The following AGBL1 variants were observed in gnomAD, a reference collection of about 807,000 sequenced individuals.
AGBL1 encodes the protein AGBL carboxypeptidase 1, also known as cytosolic carboxypeptidase 4.
AGBL1 carries 130 observed loss-of-function variants against 118.9 expected under a neutral mutation model. The observed-to-expected ratio is 1.09, with a 90% CI of 0.95 to 1.26. The LOEUF (loss-of-function observed/expected upper bound fraction) is 1.26, where lower values mean the gene tolerates loss of function less well. Ranked by LOEUF, AGBL1 falls within the 50% of genes most tolerant of loss-of-function variation. The pLI, the probability that AGBL1 is intolerant of heterozygous loss-of-function variation, is 0.00. For synonymous variants in AGBL1, 555 were observed against 478.9 expected (o/e 1.16, Z -2.08); for missense variants, 1,584 against 1,298.1 (o/e 1.22, Z -3.38).
intron 1 of AGBL1, among the ~76,000 whole-genome samples, chr15:86,129,995 T>C (rs941478600): frequency 1.3e-5 from 2 of 152,156 alleles, no homozygotes; most frequent in Admixed American, 1.3e-4. Context: ...TCTTGGGAAA[T>C]ATGCCAACTG....
At chr15:86,430,042 C>T (rs973099592) in intron 18 of AGBL1, among the ~76,000 whole-genome samples, 19 of 152,226 alleles carry the variant, frequency 1.2e-4, no homozygotes, top group African/African-American at 2.6e-4. Context: ...CTTTGAATTT[C>T]GAAGACATTG....
At chr15:86,383,667 C>T (rs951451461) in intron 17 of AGBL1, among the ~76,000 whole-genome samples, 4 of 152,282 alleles carry the variant, frequency 2.6e-5, no homozygotes, top group African/African-American at 7.2e-5. Context: ...TTTTCCCTGC[C>T]GTTCTTCGCT....
intron 17 of AGBL1, among the ~76,000 whole-genome samples, chr15:86,349,899 A>G (rs1334832741): frequency 6.6e-6 from 1 of 152,238 alleles, no homozygotes; most frequent in Non-Finnish European, 1.5e-5. Flanking sequence ...TCTGAACTTC[A>G]GTTTTCCTTT....
At chr15:86,278,526 T>A (rs1365236356) in intron 15 of AGBL1, among the ~76,000 whole-genome samples, 1 of 152,198 alleles carries the variant, frequency 6.6e-6, no homozygotes, top group African/African-American at 2.4e-5. Flanking sequence ...TTTGCTTAGG[T>A]AGGGAGTGGC....
rs200105846 is a variant in AGBL1 at position 86,911,070 on chromosome 15, G to C, written c.*3776G>C. The C allele has an allele frequency of 7.9e-5, 12 of 152,406 alleles. No individual in the cohort carries two copies. The highest frequency in any genetic ancestry group is 2.4e-4 in the African/African-American group (10 of 41,574). 9.4% of individuals were successfully genotyped at this position (152,406 alleles called of 1,614,324 possible). On this transcript the variant is annotated 3_prime_UTR_variant, in exon 23 of 23. Transcript: ENST00000614907. Reference sequence around the variant, plus strand: ...TCTACCAAATTCAAAGCCAAACTAAGATGACCCAAGAATTCCAAGGAGTTG... The same window carrying C: ...TCTACCAAATTCAAAGCCAAACTAACATGACCCAAGAATTCCAAGGAGTTG...
intron 5 of AGBL1, among the ~76,000 whole-genome samples, chr15:86,177,188 A>T (rs1241771046): frequency 1.3e-5 from 2 of 152,268 alleles, no homozygotes; most frequent in African/African-American, 4.8e-5. Context: ...AGAGCATAGC[A>T]TATTGCCAGG....
At chr15:86,718,213 C>T (rs926284526) in intron 22 of AGBL1, among the ~76,000 whole-genome samples, 5 of 152,204 alleles carry the variant, frequency 3.3e-5, no homozygotes, top group Non-Finnish European at 5.9e-5. Flanking sequence ...GAAAACCATC[C>T]TGTGTTGAGT....
At chr15:86,500,756 G>A (rs12904307) in intron 18 of AGBL1, among the ~76,000 whole-genome samples, 64,461 of 151,488 alleles carry the variant, frequency 0.43, 15,025 homozygotes, top group East Asian at 0.68. Flanking sequence ...ATAATGTATG[G>A]CCTTTTATGT....
intron 19 of AGBL1, among the ~76,000 whole-genome samples, chr15:86,533,353 A>G (rs1246839966): frequency 3.8e-5 from 5 of 131,984 alleles, no homozygotes; most frequent in Admixed American, 7.4e-5. Context: ...CAAAAAATAC[A>G]TGAAAAAATG....
intron 22 of AGBL1, among the ~76,000 whole-genome samples, chr15:86,717,476 C>G (rs2086655157): frequency 6.6e-6 from 1 of 152,046 alleles, no homozygotes; most frequent in Non-Finnish European, 1.5e-5. Flanking sequence ...TTCTATGGGT[C>G]ATTGTAAAGA....
chr15:86,703,743 T>C (rs1372207764), intron 22 of AGBL1, among the ~76,000 whole-genome samples: 1 of 152,122 alleles, frequency 6.6e-6, no homozygotes, highest in African/African-American at 2.4e-5. Context: ...CTCTCTTGCC[T>C]GCTGCCAGGT....
intron 5 of AGBL1, among the ~76,000 whole-genome samples, chr15:86,219,178 C>G (rs917537305): frequency 6.6e-6 from 1 of 152,158 alleles, no homozygotes; most frequent in Non-Finnish European, 1.5e-5. Flanking sequence ...TGAATGATGA[C>G]CCTGCAGGCT....
At chr15:86,149,761 T>A (rs562745083) in intron 3 of AGBL1, among the ~76,000 whole-genome samples, 1 of 152,242 alleles carries the variant, frequency 6.6e-6, no homozygotes, top group South Asian at 2.1e-4. Context: ...TGAACTCAGC[T>A]CTGCAGCAAG....
intron 22 of AGBL1, among the ~76,000 whole-genome samples, chr15:86,831,720 A>G (rs1250155181): frequency 1.3e-5 from 2 of 152,146 alleles, no homozygotes; most frequent in Non-Finnish European, 2.9e-5. Flanking sequence ...CAGATTTTCC[A>G]GGCACATGGT....
At chr15:86,274,560 A>G (rs1667779773) in intron 15 of AGBL1, among the ~76,000 whole-genome samples, 2 of 152,210 alleles carry the variant, frequency 1.3e-5, no homozygotes, top group African/African-American at 4.8e-5. Flanking sequence ...AGCTAAAAGC[A>G]AAAGAAAAAG....
At chr15:86,498,308 G>C (rs2142155653) in intron 18 of AGBL1, among the ~76,000 whole-genome samples, 1 of 151,916 alleles carries the variant, frequency 6.6e-6, no homozygotes, top group East Asian at 1.9e-4. Flanking sequence ...TAGACTTCTT[G>C]GGATTATGTC....
intron 18 of AGBL1, among the ~76,000 whole-genome samples, chr15:86,498,195 C>G (rs1051667076): frequency 1.3e-5 from 2 of 151,838 alleles, no homozygotes. Flanking sequence ...CTGCTTTCCT[C>G]TTTATAATTG....
chr15:86,507,725 A>C (rs960957252), intron 18 of AGBL1, among the ~76,000 whole-genome samples: 2 of 152,132 alleles, frequency 1.3e-5, no homozygotes, highest in South Asian at 2.1e-4. Flanking sequence ...GAATGAAAGC[A>C]GTTAAGAAAC....
chr15:86,720,204 C>T (rs955926708), intron 22 of AGBL1, among the ~76,000 whole-genome samples: 3 of 152,174 alleles, frequency 2.0e-5, no homozygotes, highest in Non-Finnish European at 4.4e-5. Flanking sequence ...CTTAACCTGA[C>T]TGATGATGAT....
Sources: allele counts gnomAD v4.1 joint callset (sites outside exome capture counted in the v4.1 genomes callset), GRCh38; gene constraint gnomAD v4.1.1; transcripts MANE v1.5; gene names NCBI Gene and HGNC (gene_info 2026-07-23, HGNC 2026-07-21).